The following ANKRD44 variants were observed in gnomAD, a reference collection of about 807,000 sequenced individuals.
ANKRD44 encodes the protein ankyrin repeat domain 44.
Under a neutral mutation model 116.0 loss-of-function variants are expected in ANKRD44, and 35 were observed. The ratio of observed to expected loss-of-function variants is 0.30; its 90% CI spans 0.23 to 0.40. The LOEUF is 0.40. Ranked by LOEUF, ANKRD44 falls within the 10% of genes least tolerant of loss-of-function variation. The pLI, the probability that ANKRD44 is intolerant of heterozygous loss-of-function variation, is 1.00. For synonymous variants in ANKRD44, 435 were observed against 461.8 expected, an observed-to-expected ratio of 0.94 and a Z score of 0.74; for missense variants, 1,014 against 1,242.6, an observed-to-expected ratio of 0.82 and a Z score of 2.77.
intron 1 of ANKRD44, among the ~76,000 whole-genome samples, chr2:197,193,455 C>T (rs1430738960): frequency 6.6e-6 from 1 of 152,126 alleles, no homozygotes; most frequent in African/African-American, 2.4e-5. Flanking sequence ...TATTGACCTC[C>T]TTTTTTTCCA....
intron 1 of ANKRD44, among the ~76,000 whole-genome samples, chr2:197,260,951 G>C (rs1352905243): frequency 1.4e-5 from 2 of 145,724 alleles, no homozygotes; most frequent in Non-Finnish European, 3.0e-5. Context: ...AAATTTGTTT[G>C]AGTTCATTGT....
intron 1 of ANKRD44, among the ~76,000 whole-genome samples, chr2:197,235,034 A>G (rs2081949354): frequency 6.6e-6 from 1 of 152,210 alleles, no homozygotes; most frequent in Non-Finnish European, 1.5e-5. Context: ...TCACTCACAG[A>G]GAGAACGGGC....
At chr2:197,092,395 T>A (rs1200464349) in intron 10 of ANKRD44, among the ~76,000 whole-genome samples, 1 of 152,222 alleles carries the variant, frequency 6.6e-6, no homozygotes, top group Non-Finnish European at 1.5e-5. Flanking sequence ...TTATTTACCA[T>A]CTCAAAAGTT....
intron 10 of ANKRD44, chr2:197,099,467 G>C: frequency 1.0e-6 from 1 of 995,780 alleles, no homozygotes; most frequent in East Asian, 8.7e-5. Context: ...CAAGCAATCT[G>C]AATACATTCT....
chr2:197,171,333 T>C (rs1171007810), intron 2 of ANKRD44, among the ~76,000 whole-genome samples: 1 of 152,176 alleles, frequency 6.6e-6, no homozygotes, highest in African/African-American at 2.4e-5. Context: ...TGGGCAGTTG[T>C]GCTAAACACA....
chr2:197,012,941 A>G (rs2076325352), intron 18 of ANKRD44, among the ~76,000 whole-genome samples: 1 of 152,174 alleles, frequency 6.6e-6, no homozygotes, highest in African/African-American at 2.4e-5. Context: ...ACAGGTTTTC[A>G]TGGGCATGGA....
intron 18 of ANKRD44, among the ~76,000 whole-genome samples, chr2:197,010,582 A>C (rs769414110): frequency 6.6e-6 from 1 of 152,212 alleles, no homozygotes; most frequent in Non-Finnish European, 1.5e-5. Flanking sequence ...GCTGGGAAGC[A>C]AACCTGTGAT....
At chr2:197,042,448 C>T (rs908716234) in intron 16 of ANKRD44, among the ~76,000 whole-genome samples, 9 of 151,618 alleles carry the variant, frequency 5.9e-5, no homozygotes, top group African/African-American at 2.2e-4. Flanking sequence ...AGACTCAATT[C>T]CTATTGCTTC....
At chr2:197,278,462 T>C (rs2083161248) in intron 1 of ANKRD44, among the ~76,000 whole-genome samples, 1 of 152,060 alleles carries the variant, frequency 6.6e-6, no homozygotes, top group African/African-American at 2.4e-5. Flanking sequence ...GTTCAAGCAA[T>C]TCTCCTGCCT....
chr2:197,127,700 T>C (rs1052882996), intron 4 of ANKRD44, among the ~76,000 whole-genome samples: 2 of 152,220 alleles, frequency 1.3e-5, no homozygotes, highest in Admixed American at 6.5e-5. Flanking sequence ...CCAGGGTACA[T>C]GTGCAGAATG....
At chr2:197,140,528 T>C (rs2079336419) in intron 3 of ANKRD44, among the ~76,000 whole-genome samples, 1 of 152,132 alleles carries the variant, frequency 6.6e-6, no homozygotes, top group Non-Finnish European at 1.5e-5. Flanking sequence ...GCTATGTTTC[T>C]CACGCTGGTC....
chr2:197,293,617 T>G (rs2083632560), intron 1 of ANKRD44, among the ~76,000 whole-genome samples: 1 of 152,178 alleles, frequency 6.6e-6, no homozygotes, highest in African/African-American at 2.4e-5. Flanking sequence ...AGAGGAATTT[T>G]GGGGATGAGG....
In ANKRD44 at chr2:197,212,904, A is replaced by G. The variant is rs889210277; in HGVS notation, c.28-25798T>C. Among the ~76,000 whole-genome samples the G allele has an allele frequency of 1.3e-5, 2 of 152,222 alleles. No individual in the cohort carries two copies. The highest frequency in any genetic ancestry group is 1.3e-4 in the Admixed American group (2 of 15,286). ...CATCTCATTCCAGAAAGCTTTTCAC[A>G]GTGTGAACATCTCACAGAGCTGACT... On this transcript the variant is annotated intron_variant, in intron 1 of 27. Transcript: ENST00000282272. This position sits in a 1 kb window ranked among gnomAD's most constrained non-coding sequence, Gnocchi z 4.8.
At chr2:196,999,081 GT>G in intron 23 of ANKRD44, 29 bp from the exon 24 acceptor site, 1 of 1,610,848 alleles carries the variant, frequency 6.2e-7, no homozygotes, top group Non-Finnish European at 8.5e-7. Flanking sequence ...TATCACTTTA[GT>G]TTCCTTTAAA....
At chr2:197,257,709 C>T (rs868673562) in intron 1 of ANKRD44, among the ~76,000 whole-genome samples, 2 of 152,178 alleles carry the variant, frequency 1.3e-5, no homozygotes, top group African/African-American at 2.4e-5. Context: ...CAAATATATA[C>T]ACCTACTATG....
At chr2:197,156,196 A>T (rs966000781) in intron 2 of ANKRD44, among the ~76,000 whole-genome samples, 2 of 152,128 alleles carry the variant, frequency 1.3e-5, no homozygotes, top group African/African-American at 4.8e-5. Context: ...AATACAAAAA[A>T]TTAGCCGGGC....
intron 8 of ANKRD44, among the ~76,000 whole-genome samples, chr2:197,118,637 G>GAGAGAGAAAGAAAGAAAGAA (rs773839262): frequency 1.3e-3 from 142 of 112,426 alleles, no homozygotes; most frequent in African/African-American, 4.3e-3. Context: ...GAGAGAGAGA[G>GAGAGAGAAAGAAAGAAAGAA]AGAAAGAAAG....
At chr2:197,266,930 G>C (rs2082756533) in intron 1 of ANKRD44, among the ~76,000 whole-genome samples, 1 of 152,038 alleles carries the variant, frequency 6.6e-6, no homozygotes, top group Non-Finnish European at 1.5e-5. Context: ...AGGTCATGGA[G>C]AATTACTTTC....
At chr2:197,226,105 C>A (rs2081706167) in intron 1 of ANKRD44, among the ~76,000 whole-genome samples, 1 of 152,178 alleles carries the variant, frequency 6.6e-6, no homozygotes, top group East Asian at 1.9e-4. Context: ...CAAAAATGAT[C>A]AGTGCTCTTC....
Sources: gnomAD v4.1 joint callset for allele counts (sites outside exome capture counted in the v4.1 genomes callset) on GRCh38, gnomAD v4.1.1 for gene constraint, Gnocchi (gnomAD v3.1) non-coding constraint, MANE v1.5 for transcripts, NCBI Gene and HGNC (gene_info 2026-07-23, HGNC 2026-07-21) for gene names.